The following DLEU7 variants were observed in gnomAD, a reference collection of about 807,000 sequenced individuals.
DLEU7 encodes leukemia-associated protein 7.
In DLEU7, 17 loss-of-function variants were observed where a neutral mutation model predicts 16.0. The ratio of observed to expected loss-of-function variants is 1.06; its 90% CI spans 0.73 to 1.59. The LOEUF is 1.59. Ranked by LOEUF, DLEU7 falls within the 40% of genes most tolerant of loss-of-function variation. The pLI is 0.00. For missense variants in DLEU7, 308 were observed against 314.9 expected (o/e 0.98, Z 0.17); for synonymous variants, 113 against 139.8 (o/e 0.81, Z 1.35).
chr13:50,814,967 G>C (rs1876686946), intron 1 of DLEU7, among the ~76,000 whole-genome samples: 1 of 151,846 alleles, frequency 6.6e-6, no homozygotes, highest in Non-Finnish European at 1.5e-5. Flanking sequence ...TCTATAATCT[G>C]TGAATAATTT....
intron 1 of DLEU7, among the ~76,000 whole-genome samples, chr13:50,717,255 T>C (rs1029712252): frequency 2.0e-5 from 3 of 152,338 alleles, no homozygotes; most frequent in East Asian, 1.9e-4. Flanking sequence ...ATATAGTTAA[T>C]GGGATGCTGG....
At chr13:50,713,247 G>A in intron 1 of DLEU7, 2 of 1,609,826 alleles carry the variant, frequency 1.2e-6, no homozygotes, top group South Asian at 2.2e-5. Context: ...GAAGCTGAAA[G>A]AAATGTAGCA....
At chr13:50,813,840 A>G (rs1226443092) in intron 1 of DLEU7, among the ~76,000 whole-genome samples, 1 of 152,122 alleles carries the variant, frequency 6.6e-6, no homozygotes, top group African/African-American at 2.4e-5. Flanking sequence ...TTCTGTGTCT[A>G]TTTGAGTGAA....
chr13:50,745,581 A>G (rs971315110), intron 1 of DLEU7, among the ~76,000 whole-genome samples: 3 of 152,220 alleles, frequency 2.0e-5, no homozygotes, highest in African/African-American at 7.2e-5. Context: ...GAATAAATAT[A>G]TACACATTTG....
chr13:50,823,147 T>C lies in DLEU7; in HGVS notation c.*167A>G. 1 of 1,415,432 alleles carries C rather than the reference T, an allele frequency of 7.1e-7. No homozygotes were observed. Among genetic ancestry groups the C allele is most frequent in the South Asian group, 1.6e-5 (1 of 62,250 alleles). 87.7% of individuals were successfully genotyped at this position (1,415,432 alleles called of 1,614,324 possible). ...TTAAAAAAATTTCATTAACATGCTATAATCCCGAAGGCTACAGATGCCACT... is the reference window on the plus strand; with the variant it reads ...TTAAAAAAATTTCATTAACATGCTACAATCCCGAAGGCTACAGATGCCACT... On this transcript the variant is annotated 3_prime_UTR_variant, in exon 2 of 2. Transcript: ENST00000504404.
At chr13:50,809,495 G>C (rs1267782596) in intron 1 of DLEU7, among the ~76,000 whole-genome samples, 2 of 152,076 alleles carry the variant, frequency 1.3e-5, no homozygotes, top group East Asian at 1.9e-4. Flanking sequence ...AATAACCTCA[G>C]CTGGTCTCAG....
At chr13:50,750,104 T>A (rs570781868) in intron 1 of DLEU7, among the ~76,000 whole-genome samples, 1 of 152,322 alleles carries the variant, frequency 6.6e-6, no homozygotes, top group Admixed American at 6.5e-5. Flanking sequence ...CTTGAGTTGA[T>A]TTTTGTATAA....
At chr13:50,834,311 C>T (rs1566268580) in intron 1 of DLEU7, among the ~76,000 whole-genome samples, 1 of 151,892 alleles carries the variant, frequency 6.6e-6, no homozygotes, top group East Asian at 1.9e-4. Context: ...GGCTAATATC[C>T]ACAATCTACA....
chr13:50,777,487 G>A (rs1875538180), intron 1 of DLEU7, among the ~76,000 whole-genome samples: 1 of 152,142 alleles, frequency 6.6e-6, no homozygotes, highest in Admixed American at 6.5e-5. Context: ...TTGGGACTCG[G>A]ACTGGCTTCC....
chr13:50,810,132 T>A (rs997959793), intron 1 of DLEU7, among the ~76,000 whole-genome samples: 1 of 147,386 alleles, frequency 6.8e-6, no homozygotes, highest in Non-Finnish European at 1.5e-5. Context: ...GAAACTATAG[T>A]GATGAGTCCT....
intron 1 of DLEU7, among the ~76,000 whole-genome samples, chr13:50,741,337 A>G (rs749531133): frequency 2.0e-5 from 3 of 152,186 alleles, no homozygotes; most frequent in Non-Finnish European, 4.4e-5. Context: ...ATCTATTCTG[A>G]AGATATGGCT....
At chr13:50,826,489 GA>G (rs1319847195) in intron 1 of DLEU7, among the ~76,000 whole-genome samples, 8 of 151,912 alleles carry the variant, frequency 5.3e-5, no homozygotes, top group Non-Finnish European at 7.4e-5. Context: ...TAATAAATAT[GA>G]AAAAAATACC....
At chr13:50,716,471 C>T (rs975496824) in intron 1 of DLEU7, among the ~76,000 whole-genome samples, 6 of 152,190 alleles carry the variant, frequency 3.9e-5, no homozygotes, top group South Asian at 2.1e-4. Context: ...TTTGACTGAT[C>T]GAGGAAGGCT....
chr13:50,796,139 G>C (rs189137812), intron 1 of DLEU7, among the ~76,000 whole-genome samples: 1 of 152,096 alleles, frequency 6.6e-6, no homozygotes. Context: ...AACCCTTAGA[G>C]TACTGAACTC....
At chr13:50,843,935 T>G, upstream of DLEU7, 1 of 394,844 alleles carries the variant, frequency 2.5e-6, no homozygotes. The surrounding 1 kb of genome is among the most constrained non-coding windows in gnomAD (Gnocchi z 5.7). Flanking sequence ...CTTCCCTCTC[T>G]CCAGGGCTTT....
At chr13:50,775,033 A>G (rs1409052155) in intron 1 of DLEU7, among the ~76,000 whole-genome samples, 1 of 151,996 alleles carries the variant, frequency 6.6e-6, no homozygotes, top group Non-Finnish European at 1.5e-5. Context: ...ATTTATCGTA[A>G]CTATATTAAT....
intron 1 of DLEU7, among the ~76,000 whole-genome samples, chr13:50,746,174 G>A (rs959665957): frequency 6.6e-6 from 1 of 152,150 alleles, no homozygotes; most frequent in Non-Finnish European, 1.5e-5. Context: ...CACACAGTAA[G>A]TTCTGTGCAA....
At chr13:50,720,695 T>A (rs1469441228) in intron 1 of DLEU7, among the ~76,000 whole-genome samples, 1 of 152,206 alleles carries the variant, frequency 6.6e-6, no homozygotes, top group African/African-American at 2.4e-5. Context: ...CAGAGAGGAA[T>A]AAGAAATGGT....
At chr13:50,814,774 G>GTGTGTGTT (rs1876678984) in intron 1 of DLEU7, among the ~76,000 whole-genome samples, 1 of 150,032 alleles carries the variant, frequency 6.7e-6, no homozygotes, top group Non-Finnish European at 1.5e-5. Flanking sequence ...GTGTGTGTGT[G>GTGTGTGTT]TGTGTGTGTG....
Sources: allele counts gnomAD v4.1 joint callset (sites outside exome capture counted in the v4.1 genomes callset), GRCh38; gene constraint gnomAD v4.1.1; non-coding constraint Gnocchi (gnomAD v3.1); transcripts MANE v1.5; gene names NCBI Gene and HGNC (gene_info 2026-07-23, HGNC 2026-07-21).